The following CTNNA3 variants were observed in gnomAD, a reference collection of about 807,000 sequenced individuals.
CTNNA3 encodes the protein catenin alpha 3.
Under a neutral mutation model 95.7 loss-of-function variants are expected in CTNNA3, and 76 were observed. That is an observed-to-expected ratio of 0.79 (90% CI 0.66 to 0.96). The LOEUF (loss-of-function observed/expected upper bound fraction) is 0.96, where lower values mean the gene tolerates loss of function less well. Ranked by LOEUF, CTNNA3 falls within the 40% of genes least tolerant of loss-of-function variation. The pLI, the probability that CTNNA3 is intolerant of heterozygous loss-of-function variation, is 0.00. For synonymous variants in CTNNA3, 431 were observed against 374.4 expected (o/e 1.15, Z -1.74); for missense variants, 1,191 against 1,089.8 (o/e 1.09, Z -1.31).
intron 7 of CTNNA3, among the ~76,000 whole-genome samples, chr10:67,127,598 T>C (rs1859776995): frequency 6.6e-6 from 1 of 152,138 alleles, no homozygotes; most frequent in Admixed American, 6.6e-5. Context: ...TCAGACTTCA[T>C]ATCACTCCCC....
At chr10:66,910,647 G>A (rs1454028870) in intron 7 of CTNNA3, among the ~76,000 whole-genome samples, 3 of 152,190 alleles carry the variant, frequency 2.0e-5, no homozygotes, top group Non-Finnish European at 4.4e-5. Flanking sequence ...ACTCCATGGC[G>A]AGCAAAAACC....
chr10:66,506,024 T>G (rs1025263912), intron 11 of CTNNA3, among the ~76,000 whole-genome samples: 2 of 152,146 alleles, frequency 1.3e-5, no homozygotes, highest in African/African-American at 2.4e-5. Context: ...GGCTTCAGGC[T>G]GCTTCCACTC....
intron 11 of CTNNA3, among the ~76,000 whole-genome samples, chr10:66,422,827 G>A (rs559507268): frequency 9.2e-5 from 14 of 151,388 alleles, no homozygotes; most frequent in East Asian, 1.9e-4. Flanking sequence ...ATGGGGTTTC[G>A]CCATGTTGGT....
intron 13 of CTNNA3, among the ~76,000 whole-genome samples, chr10:66,146,452 C>T (rs1036338795): frequency 1.3e-5 from 2 of 152,176 alleles, no homozygotes; most frequent in African/African-American, 4.8e-5. Context: ...CTGGACACCA[C>T]ATAGGATCTA....
intron 15 of CTNNA3, among the ~76,000 whole-genome samples, chr10:66,039,131 C>T (rs757352561): frequency 7.9e-5 from 12 of 152,156 alleles, no homozygotes; most frequent in Non-Finnish European, 1.8e-4. Context: ...ATCAGGAATG[C>T]AATCTCATTC....
intron 4 of CTNNA3, among the ~76,000 whole-genome samples, chr10:67,535,471 A>G (rs1420581086): frequency 6.6e-6 from 1 of 152,058 alleles, no homozygotes; most frequent in Non-Finnish European, 1.5e-5. Flanking sequence ...TAATTAAAAA[A>G]AAGACTAGTA....
intron 7 of CTNNA3, among the ~76,000 whole-genome samples, chr10:67,147,079 C>T (rs1174981781): frequency 8.5e-5 from 13 of 152,162 alleles, no homozygotes; most frequent in Admixed American, 7.9e-4. Flanking sequence ...AAAACATCCC[C>T]ACTGTTAAGC....
intron 10 of CTNNA3, among the ~76,000 whole-genome samples, chr10:66,562,417 C>G (rs1842581257): frequency 2.0e-5 from 3 of 152,126 alleles, no homozygotes. Context: ...ATTTCTAACT[C>G]CCAAGTCCAG....
chr10:66,038,959 C>T (rs563880153), intron 15 of CTNNA3, among the ~76,000 whole-genome samples: 1 of 152,322 alleles, frequency 6.6e-6, no homozygotes, highest in East Asian at 1.9e-4. Context: ...CAAACTATCC[C>T]TGTTTGCAGA....
At chr10:66,823,203 G>C (rs1842362294) in intron 7 of CTNNA3, among the ~76,000 whole-genome samples, 1 of 152,188 alleles carries the variant, frequency 6.6e-6, no homozygotes, top group South Asian at 2.1e-4. Flanking sequence ...GAACTGAGCA[G>C]TGACTCTGAG....
At chr10:67,736,266 AG>A (rs113551137) in intron 1 of CTNNA3, among the ~76,000 whole-genome samples, 18,934 of 152,098 alleles carry the variant, frequency 0.12, 1,766 homozygotes, top group African/African-American at 0.27. Context: ...ACCAGAAACT[AG>A]GGGCAGGAAG....
At chr10:67,622,915 A>C (rs1365632257) in intron 2 of CTNNA3, among the ~76,000 whole-genome samples, 1 of 152,226 alleles carries the variant, frequency 6.6e-6, no homozygotes, top group Non-Finnish European at 1.5e-5. Context: ...ATACTTATTA[A>C]GCCTTAAGCC....
At position 66,846,715 on chromosome 10, in the gene CTNNA3, A is replaced by G. The variant is rs192439782; in HGVS notation, c.1048-71191T>C. On this transcript the variant is annotated intron_variant, in intron 7 of 17. Coordinates refer to ENST00000433211, the MANE Select transcript of CTNNA3 (RefSeq NM_013266.4). ...CTCTTTTTAGGAATGGATTTCTGGA[A>G]TTTTACCTTGTAGCTTCCTCCAATC... Among the ~76,000 whole-genome samples, 807 of 152,210 alleles carry G rather than the reference A, an allele frequency of 5.3e-3. 9 individuals are homozygous for G. Among genetic ancestry groups the G allele is most frequent in the African/African-American group, 0.018 (744 of 41,524 alleles).
intron 3 of CTNNA3, among the ~76,000 whole-genome samples, chr10:67,586,481 C>T (rs1043780617): frequency 3.4e-4 from 52 of 152,066 alleles, no homozygotes; most frequent in Non-Finnish European, 5.9e-4. Flanking sequence ...TTTATGAATA[C>T]GGGTGCTCCA....
In CTNNA3 at chr10:66,858,513, C is replaced by T. The variant is rs114947252; in HGVS notation, c.1048-82989G>A. Among the ~76,000 whole-genome samples the T allele has an allele frequency of 3.3e-3, 508 of 152,076 alleles. 5 individuals carry two copies. Among genetic ancestry groups the T allele is most frequent in the African/African-American group, 0.012 (485 of 41,506 alleles). On this transcript the variant is annotated intron_variant, in intron 7 of 17. Transcript: ENST00000433211. ...TATACATACAGTGGGTACAATTCCG[C>T]TGTGAATTCATCTGGTCCTGGGCTT...
chr10:67,601,516 A>G (rs1038093635), intron 3 of CTNNA3, among the ~76,000 whole-genome samples: 4 of 152,148 alleles, frequency 2.6e-5, no homozygotes, highest in Admixed American at 2.0e-4. Flanking sequence ...CCAATAGGCC[A>G]TGGACCAGTA....
intron 7 of CTNNA3, among the ~76,000 whole-genome samples, chr10:67,073,053 A>C (rs1169395958): frequency 6.6e-6 from 1 of 152,244 alleles, no homozygotes. Context: ...GGCCCAGTCC[A>C]GTCCTCAGAC....
intron 13 of CTNNA3, among the ~76,000 whole-genome samples, chr10:66,208,436 T>C (rs557315453): frequency 6.6e-6 from 1 of 152,268 alleles, no homozygotes; most frequent in South Asian, 2.1e-4. Context: ...TAAACCATAA[T>C]ACAATTGTCA....
intron 13 of CTNNA3, among the ~76,000 whole-genome samples, chr10:66,119,035 C>A (rs1436549687): frequency 1.3e-5 from 2 of 152,086 alleles, no homozygotes; most frequent in African/African-American, 4.8e-5. Context: ...AGCCACCATG[C>A]CCAGCCACAC....
Sources: allele counts gnomAD v4.1 joint callset (sites outside exome capture counted in the v4.1 genomes callset), GRCh38; gene constraint gnomAD v4.1.1; transcripts MANE v1.5; gene names NCBI Gene and HGNC (gene_info 2026-07-23, HGNC 2026-07-21).